The following SUCLG2 variants were observed in gnomAD, a reference collection of about 807,000 sequenced individuals.
The protein encoded by SUCLG2 is succinate-CoA ligase GDP-forming subunit beta, also known as succinate--CoA ligase [GDP-forming] subunit beta, mitochondrial.
A neutral mutation model predicts 47.9 loss-of-function variants in SUCLG2; 42 were observed. That is an observed-to-expected ratio of 0.88 (90% confidence interval 0.69 to 1.14). The LOEUF (loss-of-function observed/expected upper bound fraction) is 1.14. SUCLG2 is among the 50% of genes most tolerant of loss of function. The pLI, the probability that SUCLG2 is intolerant of heterozygous loss-of-function variation, is 0.00. For synonymous variants in SUCLG2, 195 were observed against 197.3 expected (o/e 0.99, Z 0.10); for missense variants, 571 against 525.9 (o/e 1.09, Z -0.84).
chr3:67,400,337 T>C (rs762521687), intron 10 of SUCLG2, among the ~76,000 whole-genome samples: 32 of 152,154 alleles, frequency 2.1e-4, no homozygotes, highest in Non-Finnish European at 4.0e-4. Flanking sequence ...AATTAATTTA[T>C]CAATTAAATC....
chr3:67,483,054 T>C (rs1472307691), intron 9 of SUCLG2, among the ~76,000 whole-genome samples: 1 of 152,130 alleles, frequency 6.6e-6, no homozygotes, highest in Non-Finnish European at 1.5e-5. Flanking sequence ...AATGCTAATA[T>C]GTGTGTTTGC....
chr3:67,654,041 G>C (rs999750087), intron 1 of SUCLG2, among the ~76,000 whole-genome samples: 6 of 152,210 alleles, frequency 3.9e-5, no homozygotes, highest in African/African-American at 1.2e-4. Flanking sequence ...TTCACCCTAG[G>C]GGGTGAGTTC....
intron 1 of SUCLG2, among the ~76,000 whole-genome samples, chr3:67,651,339 T>C (rs549350994): frequency 1.6e-4 from 25 of 152,212 alleles, no homozygotes; most frequent in African/African-American, 5.5e-4. Context: ...CCCCTCTAAT[T>C]ACCTAGACAT....
intron 10 of SUCLG2, among the ~76,000 whole-genome samples, chr3:67,393,452 G>A (rs1259749303): frequency 1.1e-4 from 16 of 152,154 alleles, no homozygotes; most frequent in African/African-American, 2.4e-4. Context: ...ACTGCAAGGC[G>A]GCAGCGAGGC....
chr3:67,553,843 T>A (rs563079948), intron 2 of SUCLG2, among the ~76,000 whole-genome samples: 4 of 152,212 alleles, frequency 2.6e-5, no homozygotes, highest in Admixed American at 6.5e-5. Context: ...AATATCTACT[T>A]TGTCAGTTAC....
intron 1 of SUCLG2, among the ~76,000 whole-genome samples, chr3:67,636,353 CTTTTTTT>C (rs373165988): frequency 1.1e-4 from 15 of 138,006 alleles, no homozygotes; most frequent in Middle Eastern, 4.0e-3. Flanking sequence ...AGGCAGAATC[CTTTTTTT>C]TTTTTTTTTT....
Position 67,374,922 on chromosome 3 carries a change from A to C in SUCLG2, c.*822T>G. The C allele has an allele frequency of 1.0e-6, 1 of 985,596 alleles. No homozygotes were observed. Among genetic ancestry groups the C allele is most frequent in the Non-Finnish European group, 1.2e-6 (1 of 829,878 alleles). 61.1% of individuals were successfully genotyped at this position (985,596 alleles called of 1,614,324 possible). The stretch of plus-strand genomic sequence containing the variant: ...AGGAGTAAGAGAGAAACGAGGAGAG[A>C]AGATAGTGATACTAAACACAATTTG... On this transcript the variant is annotated 3_prime_UTR_variant, in exon 11 of 11. Coordinates refer to ENST00000307227, the MANE Select transcript of SUCLG2 (RefSeq NM_003848.4).
intron 2 of SUCLG2, among the ~76,000 whole-genome samples, chr3:67,557,621 T>G (rs545348792): frequency 6.6e-6 from 1 of 152,318 alleles, no homozygotes; most frequent in South Asian, 2.1e-4. Context: ...GAACACAAAC[T>G]AGCTGTAGTC....
chr3:67,431,437 A>G (rs997105869), intron 9 of SUCLG2, among the ~76,000 whole-genome samples: 3 of 152,198 alleles, frequency 2.0e-5, no homozygotes, highest in Admixed American at 2.0e-4. Context: ...TGAACTAGGT[A>G]TTGATGTTTA....
At chr3:67,395,286 T>C (rs1429433536) in intron 10 of SUCLG2, among the ~76,000 whole-genome samples, 14 of 152,124 alleles carry the variant, frequency 9.2e-5, no homozygotes, top group Non-Finnish European at 1.9e-4. Context: ...CCATCTCATG[T>C]GCAGAGACAC....
chr3:67,391,736 C>T (rs1026800588), intron 10 of SUCLG2, among the ~76,000 whole-genome samples: 1 of 152,248 alleles, frequency 6.6e-6, no homozygotes, highest in African/African-American at 2.4e-5. Flanking sequence ...TTGTTCTGGG[C>T]AGAGTGAATG....
At chr3:67,594,876 TAG>T (rs954220141) in intron 2 of SUCLG2, among the ~76,000 whole-genome samples, 3 of 152,334 alleles carry the variant, frequency 2.0e-5, no homozygotes, top group South Asian at 2.1e-4. Flanking sequence ...TTTTAAGAGT[TAG>T]CTGGACATAA....
chr3:67,515,216 A>T (rs939919661), intron 6 of SUCLG2, among the ~76,000 whole-genome samples: 7 of 152,184 alleles, frequency 4.6e-5, no homozygotes, highest in African/African-American at 1.7e-4. Flanking sequence ...ACTGTACCTA[A>T]TTTATAAGTC....
chr3:67,596,808 C>T lies in SUCLG2; in HGVS notation c.226+12647G>A, dbSNP rs76478767. Among the ~76,000 whole-genome samples, 8 of 152,326 alleles carry T rather than the reference C, an allele frequency of 5.3e-5. No homozygotes were observed. The East Asian group carries it at 1.5e-3, about 29-fold the overall frequency. ...ATAGTCCCCTCACTTATAACACACA[C>T]AACACTGGCAAGGATGGAGAGCTAC... On this transcript the variant is annotated intron_variant, in intron 2 of 10. Coordinates refer to ENST00000307227, the MANE Select transcript of SUCLG2 (RefSeq NM_003848.4).
intron 1 of SUCLG2, among the ~76,000 whole-genome samples, chr3:67,626,024 ATTT>A (rs11329006): frequency 2.9e-5 from 4 of 138,578 alleles, no homozygotes; most frequent in African/African-American, 1.1e-4. Flanking sequence ...ATATATTTAC[ATTT>A]TTTTTTTTTT....
chr3:67,646,423 C>T (rs1323109875), intron 1 of SUCLG2, among the ~76,000 whole-genome samples: 2 of 152,020 alleles, frequency 1.3e-5, no homozygotes, highest in African/African-American at 4.8e-5. Flanking sequence ...GGTGAAACTC[C>T]ATCTCTACTA....
At chr3:67,530,215 G>C (rs1380078099) in intron 2 of SUCLG2, among the ~76,000 whole-genome samples, 1 of 152,128 alleles carries the variant, frequency 6.6e-6, no homozygotes, top group Non-Finnish European at 1.5e-5. Context: ...CCAGCTGTGT[G>C]ACATTAGGCA....
chr3:67,372,675 C>CTTTT (rs1369877381), downstream of SUCLG2, among the ~76,000 whole-genome samples: 2 of 152,166 alleles, frequency 1.3e-5, no homozygotes, highest in Non-Finnish European at 2.9e-5. Flanking sequence ...CTTTTGTAGA[C>CTTTT]TTTTTGTAGC....
intron 10 of SUCLG2, among the ~76,000 whole-genome samples, chr3:67,397,863 C>T (rs1484860187): frequency 6.6e-6 from 1 of 151,860 alleles, no homozygotes; most frequent in Non-Finnish European, 1.5e-5. Flanking sequence ...AGAAATAACA[C>T]CGCATATCTA....
Sources: gnomAD v4.1 joint callset for allele counts (sites outside exome capture counted in the v4.1 genomes callset) on GRCh38, gnomAD v4.1.1 for gene constraint, MANE v1.5 for transcripts, NCBI Gene and HGNC (gene_info 2026-07-23, HGNC 2026-07-21) for gene names.